Variants in DNER observed in about 807,000 individuals in gnomAD.
The protein encoded by DNER is delta/notch like EGF repeat containing.
DNER carries 33 observed loss-of-function variants against 78.2 expected under a neutral mutation model. That is an observed-to-expected ratio of 0.42 (90% CI 0.32 to 0.56). The LOEUF is 0.56. Ranked by LOEUF, DNER falls within the 20% of genes least tolerant of loss-of-function variation. The probability of loss-of-function intolerance (pLI) is 0.11; values close to 1 mark genes in which losing one functional copy is unlikely to be tolerated. For synonymous variants in DNER, 417 were observed against 384.8 expected (o/e 1.08, Z -0.98); for missense variants, 918 against 975.3 (o/e 0.94, Z 0.78).
At chr2:229,521,329 G>A (rs1388375997) in intron 5 of DNER, among the ~76,000 whole-genome samples, 1 of 152,170 alleles carries the variant, frequency 6.6e-6, no homozygotes, top group Non-Finnish European at 1.5e-5. Context: ...TAACGACACA[G>A]CATTGGTCAG....
At chr2:229,467,106 T>C (rs1694821496) in intron 7 of DNER, among the ~76,000 whole-genome samples, 1 of 152,172 alleles carries the variant, frequency 6.6e-6, no homozygotes, top group African/African-American at 2.4e-5. Context: ...GAAAGTCCCT[T>C]GTGAGTGTCC....
At chr2:229,432,723 G>C (rs1694034832) in intron 8 of DNER, among the ~76,000 whole-genome samples, 1 of 152,076 alleles carries the variant, frequency 6.6e-6, no homozygotes, top group African/African-American at 2.4e-5. Flanking sequence ...CGCTGATTCA[G>C]GGACTCTAAG....
intron 5 of DNER, among the ~76,000 whole-genome samples, chr2:229,545,782 T>C (rs1696616772): frequency 6.6e-6 from 1 of 152,178 alleles, no homozygotes. Flanking sequence ...CCCATAGTGT[T>C]TCTGATGCCG....
intron 12 of DNER, among the ~76,000 whole-genome samples, chr2:229,363,781 T>G (rs1336026428): frequency 6.6e-6 from 1 of 152,132 alleles, no homozygotes; most frequent in Non-Finnish European, 1.5e-5. Flanking sequence ...TAAACTATTT[T>G]GGGGCTGAGT....
intron 6 of DNER, among the ~76,000 whole-genome samples, chr2:229,503,594 C>T (rs1355739723): frequency 2.0e-5 from 3 of 152,150 alleles, no homozygotes; most frequent in African/African-American, 7.2e-5. Flanking sequence ...TTTTGGAACC[C>T]AATGAGATAA....
intron 8 of DNER, among the ~76,000 whole-genome samples, chr2:229,426,972 C>A (rs1375160855): frequency 3.3e-5 from 5 of 152,198 alleles, no homozygotes; most frequent in African/African-American, 1.2e-4. Flanking sequence ...TTTCTTATTT[C>A]TTTAGTCTCT....
intron 11 of DNER, among the ~76,000 whole-genome samples, chr2:229,373,433 A>T (rs955980447): frequency 6.6e-6 from 1 of 152,214 alleles, no homozygotes. Context: ...ATGATTAAAA[A>T]GTCAAGAAAC....
chr2:229,454,273 T>C (rs17483806), intron 7 of DNER, among the ~76,000 whole-genome samples: 34,963 of 152,130 alleles, frequency 0.23, 4,539 homozygotes, highest in Non-Finnish European at 0.29. Context: ...ATAAAATTAA[T>C]AGGAGCTACA....
intron 1 of DNER, among the ~76,000 whole-genome samples, chr2:229,692,869 TA>T (rs1370148465): frequency 6.6e-6 from 1 of 151,758 alleles, no homozygotes; most frequent in Non-Finnish European, 1.5e-5. Context: ...TTATAAGAAA[TA>T]ACTATATGTA....
chr2:229,415,163 A>C (rs1040462953), intron 9 of DNER, among the ~76,000 whole-genome samples: 643 of 17,466 alleles, frequency 0.037, 1 homozygote, highest in Non-Finnish European at 0.14. Flanking sequence ...ACTCCATCAC[A>C]AAAAAAAAAA....
chr2:229,387,483 AAAAGAAAGAAAGAAAGAAAGAAAGAGAG>A (rs1315720602), intron 11 of DNER, among the ~76,000 whole-genome samples: 36 of 111,634 alleles, frequency 3.2e-4, no homozygotes, highest in Middle Eastern at 4.8e-3. Context: ...AATAGAAAGA[AAAAGAAAGAAAGAAAGAAAGAAAGAGAG>A]AAAGAAAGAA....
chr2:229,492,913 G>GTCCAGCC (rs895935370), intron 6 of DNER, among the ~76,000 whole-genome samples: 33 of 151,982 alleles, frequency 2.2e-4, no homozygotes, highest in Middle Eastern at 3.4e-3. Context: ...TCAAGTTATC[G>GTCCAGCC]TCCAGCCTCA....
At chr2:229,497,074 T>A (rs1200782389) in intron 6 of DNER, among the ~76,000 whole-genome samples, 1 of 152,126 alleles carries the variant, frequency 6.6e-6, no homozygotes, top group African/African-American at 2.4e-5. Context: ...CTACCAAATT[T>A]AAGAAGATTG....
intron 1 of DNER, among the ~76,000 whole-genome samples, chr2:229,690,890 T>A (rs1393150611): frequency 6.6e-6 from 1 of 152,254 alleles, no homozygotes; most frequent in Non-Finnish European, 1.5e-5. Context: ...TTTTGCTTAT[T>A]ACATTGCAAT....
intron 1 of DNER, among the ~76,000 whole-genome samples, chr2:229,592,814 T>C (rs2154214676): frequency 6.6e-6 from 1 of 152,368 alleles, no homozygotes; most frequent in Admixed American, 6.5e-5. Context: ...CTAGCTGATA[T>C]ACCCCTGGCT....
intron 4 of DNER, among the ~76,000 whole-genome samples, chr2:229,565,876 C>T (rs1697097561): frequency 6.6e-6 from 1 of 152,042 alleles, no homozygotes; most frequent in Non-Finnish European, 1.5e-5. Context: ...ATTTGATCAC[C>T]TTTTCATAAT....
At chr2:229,498,991 A>C (rs1695556739) in intron 6 of DNER, among the ~76,000 whole-genome samples, 1 of 152,242 alleles carries the variant, frequency 6.6e-6, no homozygotes, top group South Asian at 2.1e-4. Flanking sequence ...AGGAGGGATC[A>C]CACTACCTGA....
chr2:229,632,322 C>T (rs941885414), intron 1 of DNER, among the ~76,000 whole-genome samples: 5 of 152,192 alleles, frequency 3.3e-5, no homozygotes, highest in African/African-American at 1.2e-4. Flanking sequence ...GAGACTCTGA[C>T]ACATTCAATC....
chr2:229,435,197 C>A (rs1057105988), intron 8 of DNER, among the ~76,000 whole-genome samples: 1 of 152,152 alleles, frequency 6.6e-6, no homozygotes, highest in Non-Finnish European at 1.5e-5. Flanking sequence ...ACCCTACAAT[C>A]GTGGGAAGAA....
Sources: gnomAD v4.1 joint callset for allele counts (sites outside exome capture counted in the v4.1 genomes callset) on GRCh38, gnomAD v4.1.1 for gene constraint, MANE v1.5 for transcripts, NCBI Gene and HGNC (gene_info 2026-07-23, HGNC 2026-07-21) for gene names.